The following TCAIM variants were observed in gnomAD, a reference collection of about 807,000 sequenced individuals.
TCAIM encodes T cell activation inhibitor, mitochondrial, also known as T-cell activation inhibitor, mitochondrial.
A neutral mutation model predicts 58.6 loss-of-function variants in TCAIM; 36 were observed. The observed-to-expected ratio is 0.61, with a 90% CI of 0.47 to 0.81. TCAIM has a LOEUF of 0.81. Among genes scored for constraint, TCAIM ranks in the 30% least tolerant of loss-of-function variants. TCAIM has a pLI of 0.00. For missense variants in TCAIM, 466 were observed against 579.6 expected (o/e 0.80, Z 2.01); for synonymous variants, 172 against 193.6 (o/e 0.89, Z 0.93).
chr3:44,388,495 G>T (rs1177674211), intron 5 of TCAIM, among the ~76,000 whole-genome samples: 2 of 152,148 alleles, frequency 1.3e-5, no homozygotes, highest in Non-Finnish European at 2.9e-5. Flanking sequence ...GTTGTTTTCA[G>T]TGTATTATAT....
At chr3:44,340,266 T>C (rs1012292788) in intron 1 of TCAIM, 10 of 152,218 alleles carry the variant, frequency 6.6e-5, no homozygotes, top group African/African-American at 2.2e-4. Context: ...TTAGCAGTTA[T>C]AATCTCAAAG....
chr3:44,403,347 T>C (rs1702051529), intron 10 of TCAIM, among the ~76,000 whole-genome samples: 1 of 152,198 alleles, frequency 6.6e-6, no homozygotes, highest in African/African-American at 2.4e-5. Context: ...GTGAGATCAT[T>C]TTATATATAA....
At chr3:44,366,507 C>G (rs1387314716) in intron 4 of TCAIM, among the ~76,000 whole-genome samples, 3 of 149,266 alleles carry the variant, frequency 2.0e-5, no homozygotes, top group Non-Finnish European at 4.5e-5. Context: ...GCTCTGTCAC[C>G]CAGGTTGGAG....
At chr3:44,351,000 T>A (rs898534499) in intron 1 of TCAIM, among the ~76,000 whole-genome samples, 5 of 152,198 alleles carry the variant, frequency 3.3e-5, no homozygotes, top group Non-Finnish European at 7.3e-5. Flanking sequence ...TTTTTTTGTA[T>A]TTTTTATTGT....
Position 44,352,923 on chromosome 3 carries a change from C to CTT in TCAIM, c.-44-1801_-44-1800dup, listed in dbSNP as rs61357631. Among the ~76,000 whole-genome samples, 1,019 of 131,734 alleles carry CTT rather than the reference C, an allele frequency of 7.7e-3. 37 individuals carry two copies. Among genetic ancestry groups the CTT allele is most frequent in the African/African-American group, 0.022 (768 of 35,604 alleles). 86.4% of individuals were successfully genotyped at this position (131,734 alleles called of 152,430 possible). On this transcript the variant is annotated intron_variant, in intron 1 of 10. Coordinates refer to ENST00000342649, the MANE Select transcript of TCAIM (RefSeq NM_173826.4). ...GTATACAGCCTTTTCAGATTGACTT[C>CTT]TTTTTTTTTTTTTTTTGAGACAGTT...
chr3:44,384,218 C>T (rs1331773675), intron 5 of TCAIM, among the ~76,000 whole-genome samples: 1 of 152,168 alleles, frequency 6.6e-6, no homozygotes, highest in Non-Finnish European at 1.5e-5. Flanking sequence ...GTGGCAAATT[C>T]AGGCAGTAAT....
chr3:44,372,512 A>T (rs1298027821), intron 5 of TCAIM, among the ~76,000 whole-genome samples: 1 of 152,188 alleles, frequency 6.6e-6, no homozygotes, highest in Non-Finnish European at 1.5e-5. Context: ...GAAGTAGCAT[A>T]AAAATGGTAA....
At chr3:44,355,529 T>G (rs1417514639) in intron 2 of TCAIM, among the ~76,000 whole-genome samples, 2 of 152,190 alleles carry the variant, frequency 1.3e-5, no homozygotes, top group African/African-American at 4.8e-5. Context: ...ATACCCAATA[T>G]GGTTGGAGAA....
In TCAIM at chr3:44,352,087, GTA is replaced by G. The variant is rs573558285; in HGVS notation, c.-44-2638_-44-2637del. Reference sequence around the variant, plus strand: ...TATAAAGTCATATATATGTGTGTGTGTATATATATATATATTATATATATAAA... The same window carrying G: ...TATAAAGTCATATATATGTGTGTGTGTATATATATATATTATATATATAAA... On this transcript the variant is annotated intron_variant, in intron 1 of 10. Coordinates refer to ENST00000342649, the MANE Select transcript of TCAIM (RefSeq NM_173826.4). 6.3e-3 allele frequency among the ~76,000 whole-genome samples: 923 copies of G among 146,820 alleles called. 8 individuals carry two copies. The highest frequency in any genetic ancestry group is 0.019 in the Admixed American group (271 of 14,594).
At chr3:44,359,208 T>C in intron 3 of TCAIM, 1 of 401,880 alleles carries the variant, frequency 2.5e-6, no homozygotes, top group Non-Finnish European at 3.4e-6. Flanking sequence ...TAGTGAGTCC[T>C]CATCTCCTAA....
In TCAIM at chr3:44,392,931, C is replaced by A. The variant is rs765468418; in HGVS notation, c.649C>A (p.Arg217Ser). The A allele has an allele frequency of 1.2e-6, 2 of 1,612,848 alleles. No individual in the cohort carries two copies. Among genetic ancestry groups the A allele is most frequent in the African/African-American group, 2.7e-5 (2 of 74,840 alleles). ...TTTGCCACTTAGAAAAGAACTAGAT[C>A]GTTTAAAAGATGAACTGTCTCATCA... ...NSLPLRKELD[R>S]LKDELSHQLQ... Residue 217 changes from arginine to serine, a missense_variant, in exon 6 of 11, where the codon CGT becomes AGT. Physicochemically the swap from Arg to Ser is moderately radical, Grantham distance 110 (BLOSUM62 -1). Coordinates refer to ENST00000342649, the MANE Select transcript of TCAIM (RefSeq NM_173826.4).
chr3:44,385,181 G>C (rs1701719269), intron 5 of TCAIM, among the ~76,000 whole-genome samples: 1 of 152,172 alleles, frequency 6.6e-6, no homozygotes, highest in African/African-American at 2.4e-5. Context: ...AAGAGTTTTT[G>C]ATTGCCAACA....
intron 5 of TCAIM, among the ~76,000 whole-genome samples, chr3:44,380,390 TA>T (rs989897425): frequency 6.6e-6 from 1 of 152,154 alleles, no homozygotes; most frequent in African/African-American, 2.4e-5. Flanking sequence ...CTGAAAATTT[TA>T]AAAAAATGTA....
chr3:44,346,034 T>A (rs1281915904), intron 1 of TCAIM, among the ~76,000 whole-genome samples: 1 of 152,124 alleles, frequency 6.6e-6, no homozygotes, highest in Non-Finnish European at 1.5e-5. Context: ...GGAGCATCCA[T>A]AGGAGCTCAA....
At chr3:44,377,992 C>A (rs1701592928) in intron 5 of TCAIM, among the ~76,000 whole-genome samples, 2 of 152,144 alleles carry the variant, frequency 1.3e-5, no homozygotes, top group Non-Finnish European at 2.9e-5. Context: ...AACGATATAT[C>A]AACAGAGTAA....
chr3:44,399,487 T>C (rs1056881277), intron 8 of TCAIM, among the ~76,000 whole-genome samples: 2 of 152,202 alleles, frequency 1.3e-5, no homozygotes, highest in Non-Finnish European at 1.5e-5. Context: ...TGGCTTTTAA[T>C]AGAAAATCTT....
At position 44,390,696 on chromosome 3, in the gene TCAIM, C is replaced by T. The variant is rs138537540; in HGVS notation, c.573-2159C>T. Among the ~76,000 whole-genome samples, 813 of 152,200 alleles carry T rather than the reference C, an allele frequency of 5.3e-3. 7 individuals are homozygous for T. Among genetic ancestry groups the T allele is most frequent in the African/African-American group, 0.019 (778 of 41,526 alleles). ...CAAATTTTAAGAAAAAATGGCCAGG[C>T]ATGGTGGCTCATGCCTATAATCCTA... is the stretch of plus-strand genomic sequence containing the variant. On this transcript the variant is annotated intron_variant, in intron 5 of 10. Coordinates refer to ENST00000342649, the MANE Select transcript of TCAIM (RefSeq NM_173826.4).
At chr3:44,399,806 T>C (rs545321693) in intron 8 of TCAIM, among the ~76,000 whole-genome samples, 42 of 152,322 alleles carry the variant, frequency 2.8e-4, no homozygotes, top group African/African-American at 1.0e-3. Flanking sequence ...CATGCTAAAT[T>C]CGGATTTTTG....
At chr3:44,393,070 A>G (rs1461085726) in intron 6 of TCAIM, 93 bp downstream of exon 6, 26 of 1,086,430 alleles carry the variant, frequency 2.4e-5, no homozygotes, top group Non-Finnish European at 3.5e-5. Context: ...TGCATCTTTA[A>G]TTGCTCTGAT....
Sources: gnomAD v4.1 joint callset for allele counts (sites outside exome capture counted in the v4.1 genomes callset) on GRCh38, gnomAD v4.1.1 for gene constraint, MANE v1.5 for transcripts, NCBI Gene and HGNC (gene_info 2026-07-23, HGNC 2026-07-21) for gene names.